Variants in PCM1 observed in about 807,000 individuals in gnomAD.
The protein encoded by PCM1 is pericentriolar material 1, also known as pericentriolar material 1 protein.
A neutral mutation model predicts 241.9 loss-of-function variants in PCM1; 157 were observed. The observed-to-expected ratio is 0.65, with a 90% CI of 0.57 to 0.74. The LOEUF is 0.74. Ranked by LOEUF, PCM1 falls within the 30% of genes least tolerant of loss-of-function variation. The pLI is 0.00. For synonymous variants in PCM1, 1,085 were observed against 784.9 expected (o/e 1.38, Z -6.39); for missense variants, 3,478 against 2,360.1 (o/e 1.47, Z -9.81).
Position 18,011,268 on chromosome 8 carries a change from C to A in PCM1, c.5252C>A (p.Thr1751Asn). The change falls in exon 33 of 39, where the codon ACT (threonine) becomes AAT (asparagine). Residue 1751 changes from threonine to asparagine, a missense_variant. By Grantham distance (65) the Thr-to-Asn change is moderately conservative. Coordinates refer to ENST00000325083, the MANE Select transcript of PCM1 (RefSeq NM_006197.4). ...DKDETETVKQ[T>N]QTSEVYDGPK... is the part of the protein sequence containing the mutation. ...GATGAAACTGAAACAGTTAAGCAGA[C>A]TCAAACATCTGAGGTGTATGATGGT... is the stretch of plus-strand genomic sequence containing the variant. 1 of 1,606,050 alleles carries A rather than the reference C, an allele frequency of 6.2e-7. No homozygotes were observed. The highest frequency in any genetic ancestry group is 8.5e-7 in the Non-Finnish European group (1 of 1,176,036).
chr8:17,962,011 G>GT (rs2072492420), intron 15 of PCM1, 23 bp from the exon 16 acceptor site: 1 of 1,592,096 alleles, frequency 6.3e-7, no homozygotes, highest in Middle Eastern at 1.7e-4. Flanking sequence ...TCCTCATAAC[G>GT]TTTTTTGTGA....
intron 7 of PCM1, among the ~76,000 whole-genome samples, chr8:17,949,480 T>C (rs7813503): frequency 0.21 from 31,604 of 151,458 alleles, 4,173 homozygotes; most frequent in East Asian, 0.4. Flanking sequence ...AATTTATAAC[T>C]AATTGTCTTT....
chr8:17,954,027 A>C (rs208756), intron 9 of PCM1, among the ~76,000 whole-genome samples: 48,119 of 152,118 alleles, frequency 0.32, 9,096 homozygotes, highest in African/African-American at 0.53. Flanking sequence ...AAGAACCTTA[A>C]TATTCCTGTC....
chr8:17,950,062 T>C (rs938857233), intron 7 of PCM1, among the ~76,000 whole-genome samples: 1 of 152,150 alleles, frequency 6.6e-6, no homozygotes, highest in African/African-American at 2.4e-5. Flanking sequence ...AAATAAAGTT[T>C]TAGGGAACAC....
intron 21 of PCM1, among the ~76,000 whole-genome samples, chr8:17,968,051 C>A (rs1326769284): frequency 3.6e-4 from 50 of 139,140 alleles, no homozygotes; most frequent in Non-Finnish European, 1.5e-5. Flanking sequence ...ATCAGTTCCG[C>A]CGCCAAAAAA....
intron 2 of PCM1, chr8:17,926,898 A>G (rs1471963574): frequency 6.6e-6 from 1 of 152,132 alleles, no homozygotes; most frequent in Non-Finnish European, 1.5e-5. Context: ...TCAGTTCAGT[A>G]TTGGAATAGA....
At chr8:17,956,849 A>G (rs1418905198) in intron 11 of PCM1, 72 bp downstream of exon 11, 11 of 1,207,088 alleles carry the variant, frequency 9.1e-6, no homozygotes, top group Non-Finnish European at 1.3e-5. Flanking sequence ...GGGAACAAAA[A>G]TACTTCGTTG....
intron 2 of PCM1, among the ~76,000 whole-genome samples, chr8:17,932,033 T>A (rs2059184386): frequency 6.6e-6 from 1 of 152,174 alleles, no homozygotes; most frequent in Non-Finnish European, 1.5e-5. Flanking sequence ...AATTTATGTA[T>A]AATTTTTCAT....
At chr8:17,928,299 G>T (rs1446223109) in intron 2 of PCM1, among the ~76,000 whole-genome samples, 1 of 152,184 alleles carries the variant, frequency 6.6e-6, no homozygotes, top group Non-Finnish European at 1.5e-5. Context: ...TGAGTCCGTA[G>T]TGCTGCCCAC....
At chr8:17,957,154 A>G in intron 11 of PCM1, 110 bp from the exon 12 acceptor site, 2 of 788,360 alleles carry the variant, frequency 2.5e-6, no homozygotes, top group Non-Finnish European at 4.0e-6. Context: ...TAAATGGAAT[A>G]GCCAACAATG....
chr8:17,966,447 A>C lies in PCM1; in HGVS notation c.3195A>C (p.Leu1065=). Residue 1065 remains leucine (L), a synonymous_variant, in exon 20 of 39, where the codon CTA becomes CTC. Coordinates refer to ENST00000325083, the MANE Select transcript of PCM1 (RefSeq NM_006197.4). ...AGTTGAACCAGTGCTATACTCAGCT[A>C]ACATGGCAACAGAATAATGTTCAGA... is the stretch of plus-strand genomic sequence containing the variant. ...MHQLNQCYTQ[L]TWQQNNVQRL... 1 of 1,613,796 alleles carries C rather than the reference A, an allele frequency of 6.2e-7. No homozygotes were observed. The highest frequency in any genetic ancestry group is 8.5e-7 in the Non-Finnish European group (1 of 1,179,758).
chr8:17,963,054 C>G, intron 16 of PCM1, 47 bp from the exon 17 acceptor site: 1 of 1,432,510 alleles, frequency 7.0e-7, no homozygotes, highest in Non-Finnish European at 9.6e-7. Context: ...TTTTAGGCTA[C>G]AGCAAATCCA....
chr8:18,027,840 G>C lies in PCM1; in HGVS notation c.*178G>C, dbSNP rs982192093. 2.4e-6 allele frequency: 1 copy of C among 412,670 alleles called. No individual in the cohort carries two copies. Among genetic ancestry groups the C allele is most frequent in the East Asian group, 3.6e-5 (1 of 27,858 alleles). 25.6% of individuals were successfully genotyped at this position (412,670 alleles called of 1,614,324 possible). A position where few individuals can be genotyped will look rare whatever the true frequency, so the allele number is the denominator to read the frequency against. ...AACATCAGAAACTGAATTCTGGACA[G>C]ATTTAAGCCTTGACACACTGTGTTT... is the stretch of plus-strand genomic sequence containing the variant. On this transcript the variant is annotated 3_prime_UTR_variant, in exon 39 of 39. Transcript: ENST00000325083.
Position 17,964,724 on chromosome 8 carries a change from C to G in PCM1, c.2811C>G (p.Asn937Lys), listed in dbSNP as rs760394079. 6.2e-7 allele frequency: 1 copy of G among 1,613,770 alleles called. No homozygotes were observed. Among genetic ancestry groups the G allele is most frequent in the East Asian group, 2.2e-5 (1 of 44,876 alleles). The stretch of plus-strand genomic sequence containing the variant: ...ATAACTTTTCTGTGTGTCCTTCTAA[C>G]AGTGTGAATCATAACTCCTACAATG... ...SNDNFSVCPS[N>K]SVNHNSYNGK... The change falls in exon 18 of 39, where the codon AAC becomes AAG. Residue 937 changes from asparagine to lysine, a missense_variant. By Grantham distance (94) the Asn-to-Lys change is moderately conservative. Coordinates refer to ENST00000325083, the MANE Select transcript of PCM1 (RefSeq NM_006197.4).
intron 15 of PCM1, among the ~76,000 whole-genome samples, chr8:17,960,721 TCA>T (rs894534001): frequency 2.0e-5 from 3 of 152,016 alleles, no homozygotes; most frequent in African/African-American, 7.3e-5. Context: ...AGACAGGGTT[TCA>T]CAGTGTTAGC....
intron 23 of PCM1, among the ~76,000 whole-genome samples, chr8:17,976,216 T>C (rs2078719067): frequency 6.6e-6 from 1 of 152,206 alleles, no homozygotes; most frequent in Non-Finnish European, 1.5e-5. Flanking sequence ...TATTAATTAC[T>C]TAGGCAGAGA....
chr8:18,003,296 C>A (rs896514951), intron 29 of PCM1, among the ~76,000 whole-genome samples: 1 of 152,188 alleles, frequency 6.6e-6, no homozygotes, highest in Admixed American at 6.5e-5. Flanking sequence ...GCTCTTTAGA[C>A]GCTCTAAGTG....
At chr8:17,972,209 T>G in intron 22 of PCM1, 120 bp from the exon 23 acceptor site, 1 of 523,052 alleles carries the variant, frequency 1.9e-6, no homozygotes, top group Non-Finnish European at 3.3e-6. Flanking sequence ...GAAAACATTT[T>G]TATAGCCTGT....
intron 29 of PCM1, among the ~76,000 whole-genome samples, chr8:18,000,146 G>A (rs1359178727): frequency 2.0e-5 from 3 of 152,202 alleles, no homozygotes; most frequent in Non-Finnish European, 4.4e-5. Flanking sequence ...AGGAGCCAGT[G>A]TAAACCAGGA....
Sources: allele counts gnomAD v4.1 joint callset (sites outside exome capture counted in the v4.1 genomes callset), GRCh38; gene constraint gnomAD v4.1.1; transcripts MANE v1.5; gene names NCBI Gene and HGNC (gene_info 2026-07-23, HGNC 2026-07-21).